Variants in SMIM7 observed in about 807,000 individuals in gnomAD.
SMIM7 encodes the protein UPF0608 protein C19orf42.
A neutral mutation model predicts 13.3 loss-of-function variants in SMIM7; 12 were observed. That is an observed-to-expected ratio of 0.90 (90% CI 0.58 to 1.46). The LOEUF is 1.46. Ranked by LOEUF, SMIM7 falls within the 40% of genes most tolerant of loss-of-function variation. The pLI, the probability that SMIM7 is intolerant of heterozygous loss-of-function variation, is 0.00. For missense variants in SMIM7, 114 were observed against 94.8 expected (o/e 1.20, Z -0.84); for synonymous variants, 36 against 35.8 (o/e 1.01, Z -0.02).
At chr19:16,652,228 G>T (rs1052102498) in intron 4 of SMIM7, 7 of 152,302 alleles carry the variant, frequency 4.6e-5, no homozygotes, top group African/African-American at 1.7e-4. Context: ...TGGAGACAGG[G>T]TCTTCTTCTG....
At chr19:16,658,065 T>TCCCC (rs1431174299) in intron 3 of SMIM7, among the ~76,000 whole-genome samples, 1 of 152,034 alleles carries the variant, frequency 6.6e-6, no homozygotes, top group Admixed American at 6.6e-5. Context: ...TCCTCAGGGT[T>TCCCC]CCCCCATCCT....
At chr19:16,647,965 T>A (rs1197553093) in intron 4 of SMIM7, among the ~76,000 whole-genome samples, 1 of 152,132 alleles carries the variant, frequency 6.6e-6, no homozygotes, top group Non-Finnish European at 1.5e-5. Flanking sequence ...TATAAAAAAA[T>A]TCACTCAAAA....
downstream of SMIM7, chr19:16,645,774 G>A (rs2086443408): frequency 6.7e-6 from 1 of 149,748 alleles, no homozygotes; most frequent in African/African-American, 2.5e-5. Flanking sequence ...CAATTCTTGT[G>A]CCTCAGCCAC....
At chr19:16,658,325 C>G (rs531445384) in intron 3 of SMIM7, among the ~76,000 whole-genome samples, 4 of 152,308 alleles carry the variant, frequency 2.6e-5, no homozygotes, top group Admixed American at 1.3e-4. Flanking sequence ...AGCCAGCATG[C>G]GTTAGGTACT....
chr19:16,659,789 G>C (rs929644046), intron 2 of SMIM7, 170 bp downstream of exon 2: 25 of 847,342 alleles, frequency 3.0e-5, no homozygotes, highest in African/African-American at 1.0e-4. Context: ...AGGTCTCTCG[G>C]GGGGTGGGGG....
chr19:16,638,308 T>TC (rs2086376439), intron 4 of SMIM7, among the ~76,000 whole-genome samples: 1 of 134,100 alleles, frequency 7.5e-6, no homozygotes, highest in African/African-American at 2.5e-5. Context: ...TTTCTTTTTT[T>TC]TTTTTTTTTT....
intron 4 of SMIM7, chr19:16,634,061 C>G (rs2086340624): frequency 6.6e-6 from 1 of 152,188 alleles, no homozygotes; most frequent in Non-Finnish European, 1.5e-5. Context: ...TCCAGTATGG[C>G]TAATCTAAAG....
rs2086459190 is a variant in SMIM7, at chr19:16,647,147, G to T, written c.*99C>A. 4 of 1,526,542 alleles carry T rather than the reference G, an allele frequency of 2.6e-6. No individual in the cohort carries two copies. The highest frequency in any genetic ancestry group is 3.5e-5 in the Admixed American group (2 of 57,294). The allele number at this position is 1,526,542 out of a possible 1,614,324, so 94.6% of individuals were successfully genotyped here. A position where few individuals can be genotyped will look rare whatever the true frequency, so the allele number is the denominator to read the frequency against. On this transcript the variant is annotated 3_prime_UTR_variant, in exon 5 of 5. Coordinates refer to ENST00000487416, the MANE Select transcript of SMIM7 (RefSeq NM_024104.4). Reference sequence around the variant, plus strand: ...CGAGCTTGGACTTTCTGGGAAGGTTGTCGGTTTTCTGGTCAAAAACATTCT... The same window carrying T: ...CGAGCTTGGACTTTCTGGGAAGGTTTTCGGTTTTCTGGTCAAAAACATTCT...
chr19:16,631,995 G>A (rs1378824885), intron 4 of SMIM7, among the ~76,000 whole-genome samples: 1 of 151,400 alleles, frequency 6.6e-6, no homozygotes, highest in Non-Finnish European at 1.5e-5. Flanking sequence ...TCAGCCTCCC[G>A]AGTAGCTGGG....
intron 4 of SMIM7, among the ~76,000 whole-genome samples, chr19:16,637,772 G>C (rs988745706): frequency 6.6e-6 from 1 of 152,212 alleles, no homozygotes; most frequent in Non-Finnish European, 1.5e-5. Flanking sequence ...ACTAGCCAAG[G>C]AGAGTAACTA....
At chr19:16,640,570 A>G (rs1599361084) in intron 4 of SMIM7, 1 of 152,232 alleles carries the variant, frequency 6.6e-6, no homozygotes, top group South Asian at 2.1e-4. Context: ...ATTATCCAAC[A>G]TCGCACTGCT....
At chr19:16,649,582 G>C (rs2086493115) in intron 4 of SMIM7, among the ~76,000 whole-genome samples, 1 of 152,032 alleles carries the variant, frequency 6.6e-6, no homozygotes, top group Non-Finnish European at 1.5e-5. Flanking sequence ...CCAAAAAAAA[G>C]AAAATTATAA....
chr19:16,642,937 C>T (rs578086051), downstream of SMIM7, among the ~76,000 whole-genome samples: 5 of 151,668 alleles, frequency 3.3e-5, no homozygotes, highest in East Asian at 5.9e-4. Context: ...GATTCTCCTG[C>T]GTCAGCCTCC....
In SMIM7 at chr19:16,660,081, T is replaced by C. The variant is rs1284467454; in HGVS notation, c.26+4A>G. The C allele has an allele frequency of 6.2e-7, 1 of 1,614,088 alleles. No individual in the cohort carries two copies. Among genetic ancestry groups the C allele is most frequent in the African/African-American group, 1.3e-5 (1 of 74,954 alleles). On this transcript the variant is annotated splice_donor_region_variant and intron_variant, in intron 1 of 4. Coordinates refer to ENST00000487416, the MANE Select transcript of SMIM7 (RefSeq NM_024104.4). Reference sequence around the variant, plus strand: ...TCTTCCCAGCCTCTGGTCCCCCTAATTACCCGAACAGCAGGATGTCTCCGA... The same window carrying C: ...TCTTCCCAGCCTCTGGTCCCCCTAACTACCCGAACAGCAGGATGTCTCCGA...
In SMIM7 at chr19:16,657,973, T is replaced by C. The variant is rs562562959; in HGVS notation, c.121+1422A>G. Among the ~76,000 whole-genome samples the C allele has an allele frequency of 1.2e-3, 184 of 152,342 alleles. 1 individual carries two copies. Among genetic ancestry groups the C allele is most frequent in the African/African-American group, 4.2e-3 (173 of 41,582 alleles). On this transcript the variant is annotated intron_variant, in intron 3 of 4. Transcript: ENST00000487416. ...TCTCTTGAACCCAGGAGCTCAAGGC[T>C]GCAGTGAGCTATGACTGTGCCGCTG...
chr19:16,646,898 G>A lies in SMIM7; in HGVS notation c.*348C>T, dbSNP rs538556888. The A allele has an allele frequency of 2.3e-5, 8 of 350,762 alleles. No individual in the cohort carries two copies. In the East Asian group the frequency reaches 3.6e-4, roughly 16 times the overall value. 21.7% of individuals were successfully genotyped at this position (350,762 alleles called of 1,614,324 possible). A position where few individuals can be genotyped will look rare whatever the true frequency, so the allele number is the denominator to read the frequency against. On this transcript the variant is annotated 3_prime_UTR_variant, in exon 5 of 5. Coordinates refer to ENST00000487416, the MANE Select transcript of SMIM7 (RefSeq NM_024104.4). ...ACACTGAATGTCCAAAAATACGGCTGTGTTAAACTAACAAGCCAATCCTTC... is the reference window on the plus strand; with the variant it reads ...ACACTGAATGTCCAAAAATACGGCTATGTTAAACTAACAAGCCAATCCTTC...
At chr19:16,637,883 T>C (rs1381423763) in intron 4 of SMIM7, among the ~76,000 whole-genome samples, 1 of 152,186 alleles carries the variant, frequency 6.6e-6, no homozygotes, top group Non-Finnish European at 1.5e-5. Flanking sequence ...AGCTCTGACC[T>C]CCAACAGGGA....
In SMIM7 at chr19:16,651,597, G is replaced by A. The variant is rs1278945755; in HGVS notation, c.212+2438C>T. Among the ~76,000 whole-genome samples the A allele has an allele frequency of 3.3e-5, 5 of 152,344 alleles. No homozygotes were observed. In the East Asian group the frequency reaches 9.6e-4, roughly 29 times the overall value. ...GACTAGCAGATGAGGGAGTGAAGAT[G>A]CTGGTCAAACAGGAGAGGATGATGA... On this transcript the variant is annotated intron_variant, in intron 4 of 4. Transcript: ENST00000487416.
intron 2 of SMIM7, 61 bp from the exon 3 acceptor site, chr19:16,659,508 C>CTCA (rs1209060699): frequency 1.5e-5 from 23 of 1,539,764 alleles, no homozygotes; most frequent in Non-Finnish European, 2.0e-5. Context: ...AGCCCCCTGA[C>CTCA]CCCCAGCTCA....
Sources: allele counts gnomAD v4.1 joint callset (sites outside exome capture counted in the v4.1 genomes callset), GRCh38; gene constraint gnomAD v4.1.1; transcripts MANE v1.5; gene names NCBI Gene and HGNC (gene_info 2026-07-23, HGNC 2026-07-21).